LRRTM4: variants seen among roughly 807,000 people sequenced by gnomAD.
LRRTM4 encodes the protein leucine-rich repeat transmembrane neuronal protein 4.
In LRRTM4, 25 loss-of-function variants were observed where a neutral mutation model predicts 47.6. That is an observed-to-expected ratio of 0.53 (90% confidence interval 0.38 to 0.73). The LOEUF (loss-of-function observed/expected upper bound fraction) is 0.73, where lower values mean the gene tolerates loss of function less well. LRRTM4 is among the 30% of genes least tolerant of loss of function. LRRTM4 has a pLI of 0.00. For synonymous variants in LRRTM4, 311 were observed against 269.5 expected (o/e 1.15, Z -1.51); for missense variants, 638 against 713.4 (o/e 0.89, Z 1.20).
chr2:77,011,531 TTGTGTGTGTGTGTGTG>T (rs56982328), intron 3 of LRRTM4, among the ~76,000 whole-genome samples: 90 of 144,146 alleles, frequency 6.2e-4, no homozygotes, highest in Middle Eastern at 3.6e-3. Context: ...GAAGAAGCAT[TTGTGTGTGTGTGTGTG>T]TGTGTGTGTG....
intron 3 of LRRTM4, among the ~76,000 whole-genome samples, chr2:77,006,606 C>A (rs887179390): frequency 1.3e-5 from 2 of 152,068 alleles, no homozygotes; most frequent in African/African-American, 4.8e-5. Context: ...TGGAGAGTAG[C>A]CCCCAGAACC....
At chr2:77,361,295 G>A (rs565472188) in intron 3 of LRRTM4, among the ~76,000 whole-genome samples, 222 of 150,322 alleles carry the variant, frequency 1.5e-3, no homozygotes, top group African/African-American at 5.1e-3. Context: ...ACTGGTAAAA[G>A]AAAACAAACT....
chr2:76,885,250 T>C (rs1573255655), intron 3 of LRRTM4, among the ~76,000 whole-genome samples: 2 of 152,074 alleles, frequency 1.3e-5, no homozygotes, highest in African/African-American at 2.4e-5. Context: ...ATTTGAATGG[T>C]GACTTGAAAA....
At chr2:76,967,745 C>T (rs1190195504) in intron 3 of LRRTM4, among the ~76,000 whole-genome samples, 1 of 151,544 alleles carries the variant, frequency 6.6e-6, no homozygotes, top group Non-Finnish European at 1.5e-5. Context: ...TTCTTTGCAG[C>T]TCAGATTTCA....
chr2:76,838,598 A>C (rs1253589575), intron 3 of LRRTM4, among the ~76,000 whole-genome samples: 1 of 152,106 alleles, frequency 6.6e-6, no homozygotes, highest in Non-Finnish European at 1.5e-5. Flanking sequence ...TAAAGAAGCC[A>C]AAATGCCATT....
intron 3 of LRRTM4, among the ~76,000 whole-genome samples, chr2:77,508,572 G>T (rs1341967403): frequency 6.6e-6 from 1 of 151,992 alleles, no homozygotes; most frequent in Non-Finnish European, 1.5e-5. Flanking sequence ...TTGTCTTTAT[G>T]GGGTTTGTTT....
chr2:76,807,350 T>C (rs1475805457), intron 3 of LRRTM4, among the ~76,000 whole-genome samples: 2 of 147,924 alleles, frequency 1.4e-5, no homozygotes, highest in Non-Finnish European at 3.0e-5. Flanking sequence ...TAAGTAAATA[T>C]GTTCCCAGAA....
At chr2:77,332,643 T>C (rs2104254592) in intron 3 of LRRTM4, among the ~76,000 whole-genome samples, 1 of 152,296 alleles carries the variant, frequency 6.6e-6, no homozygotes, top group South Asian at 2.1e-4. Flanking sequence ...CCCAAATATA[T>C]TATCTTCTTC....
intron 3 of LRRTM4, among the ~76,000 whole-genome samples, chr2:76,753,558 TGAA>T (rs1373072683): frequency 1.3e-5 from 2 of 152,146 alleles, no homozygotes; most frequent in Admixed American, 6.5e-5. Context: ...TCAAATACAA[TGAA>T]GAAGTTAAAA....
intron 3 of LRRTM4, among the ~76,000 whole-genome samples, chr2:77,229,427 C>A (rs949933685): frequency 1.1e-4 from 17 of 152,108 alleles, no homozygotes; most frequent in Non-Finnish European, 5.9e-5. Flanking sequence ...ATGAGAAAAT[C>A]AGATCACTAA....
chr2:76,935,026 TTC>T (rs990725271), intron 3 of LRRTM4, among the ~76,000 whole-genome samples: 7 of 151,666 alleles, frequency 4.6e-5, no homozygotes, highest in African/African-American at 1.7e-4. Flanking sequence ...TTATCGAACT[TTC>T]TGAGTTCAGT....
chr2:77,159,146 C>T (rs990351460), intron 3 of LRRTM4, among the ~76,000 whole-genome samples: 1 of 152,100 alleles, frequency 6.6e-6, no homozygotes, highest in African/African-American at 2.4e-5. Context: ...TTTGGAAGAA[C>T]AGCTGACACT....
chr2:77,472,135 G>A (rs1677213080), intron 3 of LRRTM4, among the ~76,000 whole-genome samples: 1 of 152,060 alleles, frequency 6.6e-6, no homozygotes, highest in Non-Finnish European at 1.5e-5. Flanking sequence ...TGTGCTTTAT[G>A]TTGGTGATTT....
chr2:76,763,838 A>T (rs974650870), intron 3 of LRRTM4, among the ~76,000 whole-genome samples: 1 of 152,206 alleles, frequency 6.6e-6, no homozygotes, highest in African/African-American at 2.4e-5. Context: ...GGTATTCTGT[A>T]CATTGTAGCA....
In LRRTM4 at chr2:77,418,382, T is replaced by C. The variant is rs181577157; in HGVS notation, c.1551+99936A>G. 2.1e-3 allele frequency among the ~76,000 whole-genome samples: 323 copies of C among 152,332 alleles called. 4 individuals are homozygous for C. Among genetic ancestry groups the C allele is most frequent in the Non-Finnish European group, 7.9e-4 (54 of 68,032 alleles). On this transcript the variant is annotated intron_variant, in intron 3 of 3. Coordinates refer to ENST00000409884, the MANE Select transcript of LRRTM4 (RefSeq NM_001134745.3). ...TAAACTGAGAAAAATAATATGTTTGTATATCAAAGATACCTACAAATTTGG... is the reference window on the plus strand; with the variant it reads ...TAAACTGAGAAAAATAATATGTTTGCATATCAAAGATACCTACAAATTTGG...
chr2:76,882,876 G>T (rs1672970798), intron 3 of LRRTM4, among the ~76,000 whole-genome samples: 1 of 151,942 alleles, frequency 6.6e-6, no homozygotes, highest in South Asian at 2.1e-4. Context: ...GTCTTCCACG[G>T]GCCTACTCTT....
chr2:77,120,649 C>T (rs1671500261), intron 3 of LRRTM4, among the ~76,000 whole-genome samples: 1 of 151,768 alleles, frequency 6.6e-6, no homozygotes, highest in Non-Finnish European at 1.5e-5. Context: ...TCTTTTGTAA[C>T]TCACTTTCTT....
At chr2:77,489,265 T>A (rs1255091601) in intron 3 of LRRTM4, among the ~76,000 whole-genome samples, 1 of 152,182 alleles carries the variant, frequency 6.6e-6, no homozygotes, top group African/African-American at 2.4e-5. Flanking sequence ...AGACAGCACA[T>A]AAGTTATGTC....
At chr2:77,017,918 A>G (rs979526186) in intron 3 of LRRTM4, among the ~76,000 whole-genome samples, 1 of 151,358 alleles carries the variant, frequency 6.6e-6, no homozygotes, top group Non-Finnish European at 1.5e-5. Context: ...AGGAAGTGTT[A>G]GCTCAAACGA....
Sources: gnomAD v4.1 joint callset for allele counts (sites outside exome capture counted in the v4.1 genomes callset) on GRCh38, gnomAD v4.1.1 for gene constraint, MANE v1.5 for transcripts, NCBI Gene and HGNC (gene_info 2026-07-23, HGNC 2026-07-21) for gene names.